The following CNTLN variants were observed in gnomAD, a reference collection of about 807,000 sequenced individuals.
CNTLN encodes centlein.
CNTLN carries 212 observed loss-of-function variants against 180.0 expected under a neutral mutation model. That is an observed-to-expected ratio of 1.18 (90% confidence interval 1.05 to 1.32). CNTLN has a LOEUF of 1.32. CNTLN is among the 40% of genes most tolerant of loss of function. The pLI, the probability that CNTLN is intolerant of heterozygous loss-of-function variation, is 0.00. For missense variants in CNTLN, 2,095 were observed against 1,610.9 expected, an observed-to-expected ratio of 1.30 and a Z score of -5.14; for synonymous variants, 722 against 563.1, an observed-to-expected ratio of 1.28 and a Z score of -3.99.
At position 17,484,489 on chromosome 9, in the gene CNTLN, A is replaced by G; in HGVS notation, c.4041+9A>G. 6.4e-7 allele frequency: 1 copy of G among 1,570,482 alleles called. No individual in the cohort carries two copies. Among genetic ancestry groups the G allele is most frequent in the South Asian group, 1.2e-5 (1 of 82,684 alleles). On this transcript the variant is annotated intron_variant, in intron 24 of 25. Coordinates refer to ENST00000380647, the MANE Select transcript of CNTLN (RefSeq NM_017738.4). ...ACACAGAAGATCAAGTGGTAAGATC[A>G]TTTAAATATTTATTATTAAAGGGTT...
chr9:17,394,001 C>T (rs1191371030), intron 14 of CNTLN, among the ~76,000 whole-genome samples: 1 of 151,440 alleles, frequency 6.6e-6, no homozygotes, highest in African/African-American at 2.4e-5. Flanking sequence ...AATTGTTAGA[C>T]TTTATTATTT....
chr9:17,397,158 A>C (rs1051053375), intron 15 of CNTLN, among the ~76,000 whole-genome samples: 8 of 152,056 alleles, frequency 5.3e-5, no homozygotes, highest in African/African-American at 1.7e-4. Context: ...TCACTAATAT[A>C]CTTTTTAAAT....
chr9:17,298,056 A>T (rs1023120167), intron 6 of CNTLN, 134 bp from the exon 7 acceptor site: 18 of 552,688 alleles, frequency 3.3e-5, no homozygotes, highest in Non-Finnish European at 5.0e-5. Context: ...TATTTCTTTT[A>T]TTAATAAGTT....
intron 2 of CNTLN, among the ~76,000 whole-genome samples, chr9:17,210,883 C>A (rs1448258568): frequency 6.6e-6 from 1 of 152,120 alleles, no homozygotes; most frequent in South Asian, 2.1e-4. Context: ...ATATCCTTTG[C>A]CCACTTTTTG....
chr9:17,320,720 C>G (rs974830663), intron 8 of CNTLN, among the ~76,000 whole-genome samples: 1 of 152,144 alleles, frequency 6.6e-6, no homozygotes, highest in Non-Finnish European at 1.5e-5. Flanking sequence ...CCAGGCTGGT[C>G]TCGAACTCCT....
intron 8 of CNTLN, among the ~76,000 whole-genome samples, chr9:17,314,085 A>G (rs1819387528): frequency 6.6e-6 from 1 of 152,182 alleles, no homozygotes; most frequent in African/African-American, 2.4e-5. Flanking sequence ...TTCAGATTAG[A>G]TAGTTTCTAT....
At chr9:17,269,020 G>T (rs1384242600) in intron 5 of CNTLN, among the ~76,000 whole-genome samples, 2 of 152,028 alleles carry the variant, frequency 1.3e-5, no homozygotes, top group African/African-American at 4.8e-5. Flanking sequence ...GCTCTGGCTA[G>T]CGCACGGTGC....
chr9:17,265,949 C>T (rs1316697215), intron 5 of CNTLN, among the ~76,000 whole-genome samples: 1 of 151,804 alleles, frequency 6.6e-6, no homozygotes, highest in Non-Finnish European at 1.5e-5. Flanking sequence ...ATTATTCTTG[C>T]TAGCGGTCTA....
intron 7 of CNTLN, among the ~76,000 whole-genome samples, chr9:17,305,194 T>C (rs577110499): frequency 6.6e-6 from 1 of 152,254 alleles, no homozygotes; most frequent in East Asian, 1.9e-4. Context: ...GGAGATCCTT[T>C]TAACCTTTTT....
intron 6 of CNTLN, among the ~76,000 whole-genome samples, chr9:17,296,841 C>G (rs1346210462): frequency 6.6e-6 from 1 of 152,128 alleles, no homozygotes; most frequent in Non-Finnish European, 1.5e-5. Context: ...GGTTTGAGAA[C>G]ATTAATGTTC....
At chr9:17,444,399 G>T (rs1830284848) in intron 18 of CNTLN, among the ~76,000 whole-genome samples, 1 of 152,206 alleles carries the variant, frequency 6.6e-6, no homozygotes, top group Admixed American at 6.5e-5. Flanking sequence ...ACCTACATGA[G>T]TAATTGACAG....
chr9:17,315,359 C>G (rs1022662787), intron 8 of CNTLN, among the ~76,000 whole-genome samples: 2 of 152,044 alleles, frequency 1.3e-5, no homozygotes, highest in Non-Finnish European at 2.9e-5. Context: ...ATTGTTGCAA[C>G]TTTAACAGTA....
intron 2 of CNTLN, among the ~76,000 whole-genome samples, chr9:17,157,631 A>G (rs959501464): frequency 3.3e-5 from 5 of 152,304 alleles, no homozygotes; most frequent in South Asian, 4.1e-4. Flanking sequence ...GCCCTCTCCA[A>G]TGTTGGTGGC....
At chr9:17,429,857 A>G (rs1237024124) in intron 18 of CNTLN, among the ~76,000 whole-genome samples, 6 of 152,030 alleles carry the variant, frequency 3.9e-5, no homozygotes, top group Non-Finnish European at 1.5e-5. Context: ...TATTAAAAAT[A>G]TAATAATTTG....
chr9:17,402,445 A>G (rs1483579446), intron 15 of CNTLN, among the ~76,000 whole-genome samples: 2 of 151,800 alleles, frequency 1.3e-5, no homozygotes, highest in Non-Finnish European at 2.9e-5. Context: ...TCCTCACTGA[A>G]CTAAGTCCCA....
At position 17,255,779 on chromosome 9, in the gene CNTLN, AT is replaced by A. The variant is rs569156830; in HGVS notation, c.850-17953del. 2.4e-3 allele frequency among the ~76,000 whole-genome samples: 364 copies of A among 151,970 alleles called. 1 individual carries two copies. Among genetic ancestry groups the A allele is most frequent in the African/African-American group, 8.2e-3 (340 of 41,528 alleles). ...TTTGGTAGAATTATCCAGTGAAACC[AT>A]CTAGACCCATGCTTTGTTGATAGGT... On this transcript the variant is annotated intron_variant, in intron 5 of 25. Transcript: ENST00000380647.
intron 6 of CNTLN, among the ~76,000 whole-genome samples, chr9:17,293,872 TG>T (rs1817591798): frequency 2.0e-5 from 3 of 151,816 alleles, no homozygotes; most frequent in South Asian, 4.2e-4. Context: ...ATGGGCTCAT[TG>T]GGGGACCTCC....
chr9:17,244,588 G>T (rs986006312), intron 5 of CNTLN, among the ~76,000 whole-genome samples: 1 of 151,864 alleles, frequency 6.6e-6, no homozygotes, highest in South Asian at 2.1e-4. Context: ...TGGAGAGTTT[G>T]GTCTGTTTAC....
At chr9:17,450,359 C>T (rs1830713072) in intron 18 of CNTLN, among the ~76,000 whole-genome samples, 1 of 152,008 alleles carries the variant, frequency 6.6e-6, no homozygotes, top group African/African-American at 2.4e-5. Flanking sequence ...GGAAGATTCA[C>T]CTCAATAAGA....
Sources: gnomAD v4.1 joint callset for allele counts (sites outside exome capture counted in the v4.1 genomes callset) on GRCh38, gnomAD v4.1.1 for gene constraint, MANE v1.5 for transcripts, NCBI Gene and HGNC (gene_info 2026-07-23, HGNC 2026-07-21) for gene names.